LOC122539214: variants seen among roughly 807,000 people sequenced by gnomAD.
the LOC122539214 span, among the ~76,000 whole-genome samples, chr19:52,670,884 A>T: frequency 3.9e-5 from 6 of 152,222 alleles, no homozygotes; most frequent in African/African-American, 1.4e-4. Context: ...ATCAATAGAG[A>T]GGAAATGTTC....
chr19:52,659,048 T>C, the LOC122539214 span, among the ~76,000 whole-genome samples: 2 of 152,084 alleles, frequency 1.3e-5, no homozygotes, highest in African/African-American at 2.4e-5. Context: ...TATGTGTCGG[T>C]GTACGTTTCA....
the LOC122539214 span, among the ~76,000 whole-genome samples, chr19:52,666,118 C>T: frequency 1.7e-4 from 25 of 146,502 alleles, no homozygotes; most frequent in Non-Finnish European, 2.2e-4. Flanking sequence ...GAGCCAAGAT[C>T]GCACCACTGC....
the LOC122539214 span, among the ~76,000 whole-genome samples, chr19:52,665,652 T>A: frequency 2.2e-3 from 336 of 152,230 alleles, 2 homozygotes; most frequent in African/African-American, 7.0e-3. Context: ...CCTGACTCAT[T>A]CCATAATCAT....
the LOC122539214 span, among the ~76,000 whole-genome samples, chr19:52,687,266 G>T: frequency 6.9e-6 from 1 of 145,930 alleles, no homozygotes; most frequent in Non-Finnish European, 1.5e-5. Flanking sequence ...AAAGCAGGAG[G>T]ATCCTTTGAG....
chr19:52,669,937 AAGAG>A, the LOC122539214 span, among the ~76,000 whole-genome samples: 2 of 152,368 alleles, frequency 1.3e-5, no homozygotes, highest in Admixed American at 1.3e-4. Context: ...AAGAAGTTTG[AAGAG>A]AAAGAGCTGT....
At chr19:52,690,485 T>A in the LOC122539214 span, 2 of 185,854 alleles carry the variant, frequency 1.1e-5, no homozygotes, top group African/African-American at 4.8e-5. Context: ...GCTTCCAGAT[T>A]TGCGAGAATC....
chr19:52,671,354 CATCAAT>C, the LOC122539214 span, among the ~76,000 whole-genome samples: 1 of 152,270 alleles, frequency 6.6e-6, no homozygotes, highest in African/African-American at 2.4e-5. Context: ...AATATGCTAA[CATCAAT>C]AATTTATAAA....
chr19:52,685,391 A>C, the LOC122539214 span, among the ~76,000 whole-genome samples: 1 of 151,844 alleles, frequency 6.6e-6, no homozygotes, highest in Non-Finnish European at 1.5e-5. Context: ...CTATCCTTGA[A>C]AATTACAGAA....
the LOC122539214 span, among the ~76,000 whole-genome samples, chr19:52,654,602 A>G: frequency 2.0e-5 from 3 of 152,176 alleles, no homozygotes; most frequent in Non-Finnish European, 4.4e-5. Context: ...CTGTAATCCC[A>G]GCTACTCAGG....
At chr19:52,679,344 C>T in the LOC122539214 span, among the ~76,000 whole-genome samples, 1 of 152,118 alleles carries the variant, frequency 6.6e-6, no homozygotes, top group African/African-American at 2.4e-5. Flanking sequence ...GGCATGGTGG[C>T]TCATGCCTGT....
the LOC122539214 span, among the ~76,000 whole-genome samples, chr19:52,663,963 T>G: frequency 2.6e-5 from 4 of 152,210 alleles, no homozygotes; most frequent in Admixed American, 1.3e-4. Context: ...CTCGGCTCAC[T>G]GCAACCTCCA....
At chr19:52,683,006 G>C in the LOC122539214 span, among the ~76,000 whole-genome samples, 326 of 152,264 alleles carry the variant, frequency 2.1e-3, 2 homozygotes, top group Non-Finnish European at 3.2e-3. Context: ...GAGTAGCTGA[G>C]ATTATAGGCA....
chr19:52,676,349 C>A, the LOC122539214 span, among the ~76,000 whole-genome samples: 3 of 152,170 alleles, frequency 2.0e-5, no homozygotes, highest in African/African-American at 7.2e-5. Flanking sequence ...ACCTCCCAGC[C>A]GCCTGCCTTG....
At chr19:52,654,002 A>C in the LOC122539214 span, 1 of 1,519,164 alleles carries the variant, frequency 6.6e-7, no homozygotes, top group Non-Finnish European at 9.1e-7. Context: ...TTGAGCCTAC[A>C]AGAAATTCTT....
the LOC122539214 span, among the ~76,000 whole-genome samples, chr19:52,679,594 G>A: frequency 7.0e-4 from 106 of 152,196 alleles, no homozygotes; most frequent in Non-Finnish European, 1.5e-3. Context: ...ATGGGTGACA[G>A]AGGGAGACTG....
chr19:52,654,531 G>T, the LOC122539214 span: 1 of 447,748 alleles, frequency 2.2e-6, no homozygotes, highest in Non-Finnish European at 3.8e-6. Context: ...GATCTTCAAA[G>T]TTTAAGAACA....
At chr19:52,659,788 A>G in the LOC122539214 span, among the ~76,000 whole-genome samples, 1 of 152,228 alleles carries the variant, frequency 6.6e-6, no homozygotes, top group Non-Finnish European at 1.5e-5. Context: ...GACCTATAAC[A>G]AACAACATCA....
chr19:52,655,811 G>T, the LOC122539214 span: 1 of 531,554 alleles, frequency 1.9e-6, no homozygotes, highest in South Asian at 2.7e-5. Context: ...CCACATTAAG[G>T]TATTTTTGAA....
the LOC122539214 span, among the ~76,000 whole-genome samples, chr19:52,653,481 G>T: frequency 1.3e-5 from 2 of 152,180 alleles, no homozygotes; most frequent in East Asian, 3.9e-4. Context: ...CCTTACATTT[G>T]TATGGTTTCT....
Sources: gnomAD v4.1 joint callset for allele counts (sites outside exome capture counted in the v4.1 genomes callset) on GRCh38, gnomAD v4.1.1 for gene constraint, MANE v1.5 for transcripts.